NEGR1: variants seen among roughly 807,000 people sequenced by gnomAD.
NEGR1 encodes neuronal growth regulator 1, also known as IgLON family member 4.
In NEGR1, 10 loss-of-function variants were observed where a neutral mutation model predicts 40.9. That is an observed-to-expected ratio of 0.24 (90% CI 0.15 to 0.42). The LOEUF (loss-of-function observed/expected upper bound fraction) is 0.42, where lower values mean the gene tolerates loss of function less well. Ranked by LOEUF, NEGR1 falls within the 10% of genes least tolerant of loss-of-function variation. The pLI is 1.00. For synonymous variants in NEGR1, 185 were observed against 166.8 expected (o/e 1.11, Z -0.84); for missense variants, 352 against 438.9 (o/e 0.80, Z 1.77).
intron 6 of NEGR1, among the ~76,000 whole-genome samples, chr1:71,435,982 A>G (rs1283617525): frequency 3.3e-5 from 5 of 152,188 alleles, no homozygotes; most frequent in Non-Finnish European, 7.3e-5. Flanking sequence ...AGCTCACTAC[A>G]CACAGTACTC....
At chr1:71,832,111 G>A (rs1400444013) in intron 2 of NEGR1, among the ~76,000 whole-genome samples, 1 of 151,870 alleles carries the variant, frequency 6.6e-6, no homozygotes, top group African/African-American at 2.4e-5. Flanking sequence ...ATTAGTGAGA[G>A]AGTAATGGGA....
chr1:72,208,515 C>T (rs1002962454), intron 1 of NEGR1, among the ~76,000 whole-genome samples: 5 of 151,118 alleles, frequency 3.3e-5, no homozygotes, highest in African/African-American at 9.7e-5. Context: ...TGTAGAAGAA[C>T]TTAAATATCT....
At chr1:71,504,116 A>G (rs1044301379) in intron 6 of NEGR1, among the ~76,000 whole-genome samples, 4 of 151,340 alleles carry the variant, frequency 2.6e-5, no homozygotes, top group Non-Finnish European at 5.9e-5. Context: ...AAAAAAATAA[A>G]ATAAAATAAA....
At chr1:71,602,502 C>A (rs1317686258) in intron 5 of NEGR1, among the ~76,000 whole-genome samples, 5 of 151,864 alleles carry the variant, frequency 3.3e-5, no homozygotes, top group African/African-American at 1.2e-4. Flanking sequence ...CCGCCCGCCT[C>A]GGCCTCCCAA....
At chr1:72,129,807 T>C (rs1179050924) in intron 1 of NEGR1, among the ~76,000 whole-genome samples, 1 of 152,184 alleles carries the variant, frequency 6.6e-6, no homozygotes, top group African/African-American at 2.4e-5. Context: ...GCTTTTGTTC[T>C]CATACTCTAT....
At chr1:71,886,320 T>C (rs752714878) in intron 2 of NEGR1, among the ~76,000 whole-genome samples, 1 of 152,160 alleles carries the variant, frequency 6.6e-6, no homozygotes, top group Non-Finnish European at 1.5e-5. Context: ...AATTTAAGAA[T>C]AGTAAAACCT....
intron 2 of NEGR1, among the ~76,000 whole-genome samples, chr1:71,781,267 TA>T (rs1557650202): frequency 6.6e-6 from 1 of 152,128 alleles, no homozygotes. Context: ...AGTTTTTATC[TA>T]AAAAAATCTG....
chr1:71,782,129 G>C lies in NEGR1; in HGVS notation c.410-5832C>G, dbSNP rs141428198. Among the ~76,000 whole-genome samples the C allele has an allele frequency of 3.1e-3, 470 of 152,206 alleles. 1 individual carries two copies. Among genetic ancestry groups the C allele is most frequent in the African/African-American group, 0.011 (449 of 41,546 alleles). ...GAGTTAAAATCTTAACCCCCGAGGT[G>C]ATACTATTAGGAGGTGGGGCCTTGG... On this transcript the variant is annotated intron_variant, in intron 2 of 6. Coordinates refer to ENST00000357731, the MANE Select transcript of NEGR1 (RefSeq NM_173808.3).
chr1:72,022,300 TAC>T (rs1380713165), intron 1 of NEGR1, among the ~76,000 whole-genome samples: 61 of 116,898 alleles, frequency 5.2e-4, no homozygotes, highest in Middle Eastern at 5.4e-3. Context: ...TATATATATA[TAC>T]ACGAATATCC....
chr1:71,843,394 G>A (rs1277038584), intron 2 of NEGR1, among the ~76,000 whole-genome samples: 2 of 152,146 alleles, frequency 1.3e-5, no homozygotes, highest in African/African-American at 4.8e-5. Flanking sequence ...TTTCCCATTA[G>A]GCAATAAGAG....
intron 6 of NEGR1, among the ~76,000 whole-genome samples, chr1:71,459,020 T>C (rs1417998393): frequency 6.6e-6 from 1 of 152,102 alleles, no homozygotes; most frequent in Non-Finnish European, 1.5e-5. Flanking sequence ...TCTTTATCAG[T>C]TCTGGCCATT....
intron 1 of NEGR1, among the ~76,000 whole-genome samples, chr1:72,043,349 T>C (rs1646972554): frequency 6.6e-6 from 1 of 151,884 alleles, no homozygotes; most frequent in Admixed American, 6.6e-5. Context: ...ATTGCCTTTG[T>C]TTTCCCACCT....
chr1:72,270,291 T>C (rs1346945259), intron 1 of NEGR1, among the ~76,000 whole-genome samples: 1 of 151,906 alleles, frequency 6.6e-6, no homozygotes, highest in African/African-American at 2.4e-5. Context: ...ATCATGACTA[T>C]AAAACACTAT....
chr1:72,129,175 C>A (rs1557541224), intron 1 of NEGR1, among the ~76,000 whole-genome samples: 1 of 152,090 alleles, frequency 6.6e-6, no homozygotes, highest in African/African-American at 2.4e-5. Context: ...TATATATATG[C>A]ACATATATGT....
chr1:71,423,669 G>C (rs113830415), intron 6 of NEGR1, among the ~76,000 whole-genome samples: 5 of 152,128 alleles, frequency 3.3e-5, no homozygotes, highest in African/African-American at 1.2e-4. Context: ...CTGAGGATAC[G>C]TAATTCCACT....
intron 1 of NEGR1, among the ~76,000 whole-genome samples, chr1:71,963,866 C>T (rs1467868947): frequency 6.6e-6 from 1 of 152,048 alleles, no homozygotes; most frequent in Admixed American, 6.6e-5. Context: ...ATTTGTGATG[C>T]AAGAAATACG....
rs144343880 is a variant in NEGR1 at position 72,198,666 on chromosome 1, G to A, written c.176+83653C>T. On this transcript the variant is annotated intron_variant, in intron 1 of 6. Coordinates refer to ENST00000357731, the MANE Select transcript of NEGR1 (RefSeq NM_173808.3). ...TCTTTTTAAATTGTATGCTCTCTTT[G>A]ATTATAATAACAACTAGAAGAAATT... Among the ~76,000 whole-genome samples, 894 of 151,570 alleles carry A rather than the reference G, an allele frequency of 5.9e-3. 4 individuals are homozygous for A. Among genetic ancestry groups the A allele is most frequent in the Non-Finnish European group, 9.3e-3 (632 of 67,878 alleles).
intron 3 of NEGR1, among the ~76,000 whole-genome samples, chr1:71,772,728 A>G (rs531326774): frequency 4.6e-5 from 7 of 152,284 alleles, no homozygotes; most frequent in Admixed American, 2.6e-4. Flanking sequence ...AGAGATAAAA[A>G]ACACCTAGAG....
chr1:71,834,271 G>A (rs1193856226), intron 2 of NEGR1, among the ~76,000 whole-genome samples: 7 of 152,026 alleles, frequency 4.6e-5, no homozygotes, highest in African/African-American at 1.4e-4. Context: ...CTGGGCCATG[G>A]GGTCCCCAAA....
Sources: allele counts gnomAD v4.1 joint callset (sites outside exome capture counted in the v4.1 genomes callset), GRCh38; gene constraint gnomAD v4.1.1; transcripts MANE v1.5; gene names NCBI Gene and HGNC (gene_info 2026-07-23, HGNC 2026-07-21).